Variants in ZNF385D observed in about 807,000 individuals in gnomAD.
The protein encoded by ZNF385D is zinc finger protein 385D, also known as zinc finger protein 659.
ZNF385D carries 15 observed loss-of-function variants against 35.8 expected under a neutral mutation model. The ratio of observed to expected loss-of-function variants is 0.42; its 90% CI spans 0.28 to 0.64. ZNF385D has a LOEUF of 0.64. ZNF385D is among the 30% of genes least tolerant of loss of function. The pLI is 0.23. For synonymous variants in ZNF385D, 212 were observed against 186.8 expected, an observed-to-expected ratio of 1.13 and a Z score of -1.10; for missense variants, 474 against 494.6, an observed-to-expected ratio of 0.96 and a Z score of 0.39.
chr3:22,345,499 A>C (rs1399207959), intron 2 of ZNF385D, among the ~76,000 whole-genome samples: 1 of 152,212 alleles, frequency 6.6e-6, no homozygotes, highest in Non-Finnish European at 1.5e-5. Context: ...ACAATATCCC[A>C]AGCACCATTT....
chr3:21,929,155 G>T (rs1299574354), intron 3 of ZNF385D, among the ~76,000 whole-genome samples: 1 of 152,084 alleles, frequency 6.6e-6, no homozygotes, highest in Admixed American at 6.6e-5. Flanking sequence ...GTGTTGGAAT[G>T]CAAGGTTGGA....
At chr3:21,820,281 G>T (rs763067316) in intron 3 of ZNF385D, among the ~76,000 whole-genome samples, 4 of 151,030 alleles carry the variant, frequency 2.6e-5, no homozygotes, top group Admixed American at 6.6e-5. Flanking sequence ...TGACCACAAG[G>T]CAAGACAATT....
intron 3 of ZNF385D, among the ~76,000 whole-genome samples, chr3:21,813,173 C>A (rs2073006542): frequency 6.6e-6 from 1 of 152,158 alleles, no homozygotes; most frequent in African/African-American, 2.4e-5. Context: ...AAAGGACATC[C>A]ATACCAAAAC....
chr3:22,267,991 T>A (rs1056644908), intron 2 of ZNF385D, among the ~76,000 whole-genome samples: 1 of 152,002 alleles, frequency 6.6e-6, no homozygotes, highest in Non-Finnish European at 1.5e-5. Context: ...TTCTAATAAC[T>A]GAAAGAAAGC....
At chr3:21,708,115 A>C (rs537273134) in intron 1 of ZNF385D, among the ~76,000 whole-genome samples, 4 of 152,332 alleles carry the variant, frequency 2.6e-5, no homozygotes, top group African/African-American at 9.6e-5. Flanking sequence ...TGACAAGCCA[A>C]GTTCTAATAT....
intron 3 of ZNF385D, among the ~76,000 whole-genome samples, chr3:21,912,818 A>G (rs1036348957): frequency 2.6e-5 from 4 of 152,026 alleles, no homozygotes; most frequent in African/African-American, 9.7e-5. Flanking sequence ...CTGGGTCATT[A>G]TTGGTCCCTT....
At chr3:22,368,606 C>T (rs1575214622) in intron 2 of ZNF385D, among the ~76,000 whole-genome samples, 2 of 152,182 alleles carry the variant, frequency 1.3e-5, no homozygotes, top group Middle Eastern at 3.4e-3. Flanking sequence ...CTGCGGTGGG[C>T]CCTCTTCCTG....
At chr3:21,528,334 T>A (rs1002994386) in intron 3 of ZNF385D, among the ~76,000 whole-genome samples, 2 of 152,176 alleles carry the variant, frequency 1.3e-5, no homozygotes, top group African/African-American at 4.8e-5. Context: ...GAAATGCGTT[T>A]CTTCTTCTGT....
At position 21,834,684 on chromosome 3, in the gene ZNF385D, A is replaced by G. The variant is rs114044115; in HGVS notation, c.326-169656T>C. 4.0e-3 allele frequency among the ~76,000 whole-genome samples: 611 copies of G among 152,274 alleles called. 7 individuals carry two copies. Among genetic ancestry groups the G allele is most frequent in the African/African-American group, 0.014 (581 of 41,568 alleles). Reference sequence around the variant, plus strand: ...AACGCATATCCTAAGTGACAGACTGATGATGTTTGGCTCTGTGTCCCCACC... The same window carrying G: ...AACGCATATCCTAAGTGACAGACTGGTGATGTTTGGCTCTGTGTCCCCACC... On this transcript the variant is annotated intron_variant, in intron 3 of 5. Coordinates refer to the ZNF385D transcript ENST00000494108.
chr3:22,165,120 C>A (rs764397824), intron 3 of ZNF385D, among the ~76,000 whole-genome samples: 3 of 152,114 alleles, frequency 2.0e-5, no homozygotes, highest in Non-Finnish European at 2.9e-5. Context: ...ACAGAATGTA[C>A]AACACCAATG....
At chr3:21,853,566 C>CGTAATT (rs1696527600) in intron 3 of ZNF385D, among the ~76,000 whole-genome samples, 2 of 142,672 alleles carry the variant, frequency 1.4e-5, no homozygotes, top group Admixed American at 7.1e-5. Flanking sequence ...TGCCTCAGTA[C>CGTAATT]GTAATTGTGG....
At chr3:22,231,687 G>T (rs180891617) in intron 2 of ZNF385D, among the ~76,000 whole-genome samples, 2 of 152,076 alleles carry the variant, frequency 1.3e-5, no homozygotes, top group Non-Finnish European at 2.9e-5. Context: ...TTGCCAGGTA[G>T]ATGGGTCCCA....
At chr3:22,078,200 A>C (rs962308896) in intron 3 of ZNF385D, among the ~76,000 whole-genome samples, 1 of 151,446 alleles carries the variant, frequency 6.6e-6, no homozygotes, top group Non-Finnish European at 1.5e-5. Context: ...ACACCTTTTT[A>C]AAAAATAATC....
At chr3:21,980,027 G>T (rs924529123) in intron 3 of ZNF385D, among the ~76,000 whole-genome samples, 4 of 152,142 alleles carry the variant, frequency 2.6e-5, no homozygotes, top group African/African-American at 7.2e-5. Context: ...GCCATAAAAG[G>T]CATTGTGATA....
intron 3 of ZNF385D, among the ~76,000 whole-genome samples, chr3:21,549,291 A>G (rs1019308424): frequency 3.3e-5 from 5 of 152,142 alleles, no homozygotes; most frequent in African/African-American, 1.2e-4. Context: ...TTGGGGTTTT[A>G]TTTTTAAAAG....
chr3:22,289,625 C>T (rs933431906), intron 2 of ZNF385D, among the ~76,000 whole-genome samples: 1 of 152,088 alleles, frequency 6.6e-6, no homozygotes, highest in Non-Finnish European at 1.5e-5. Context: ...GAGGTTTAGG[C>T]CTTGGGAATG....
chr3:22,150,732 A>C (rs1031654539), intron 3 of ZNF385D, among the ~76,000 whole-genome samples: 1 of 152,118 alleles, frequency 6.6e-6, no homozygotes, highest in Admixed American at 6.6e-5. Flanking sequence ...ATTCTAAGAG[A>C]AGCATCCAGA....
intron 3 of ZNF385D, among the ~76,000 whole-genome samples, chr3:21,949,206 T>C (rs1289416398): frequency 1.3e-5 from 2 of 152,224 alleles, no homozygotes; most frequent in African/African-American, 4.8e-5. Flanking sequence ...AAACAGAATT[T>C]TTGGCAAAAT....
At chr3:21,607,846 A>T (rs532498280) in intron 2 of ZNF385D, among the ~76,000 whole-genome samples, 1 of 152,156 alleles carries the variant, frequency 6.6e-6, no homozygotes, top group African/African-American at 2.4e-5. Context: ...CATGTCCCTG[A>T]TAGCTTTCTG....
Sources: gnomAD v4.1 joint callset for allele counts (sites outside exome capture counted in the v4.1 genomes callset) on GRCh38, gnomAD v4.1.1 for gene constraint, MANE v1.5 for transcripts, NCBI Gene and HGNC (gene_info 2026-07-23, HGNC 2026-07-21) for gene names.